The following NAALADL2 variants were observed in gnomAD, a reference collection of about 807,000 sequenced individuals.
The protein encoded by NAALADL2 is inactive N-acetylated-alpha-linked acidic dipeptidase-like protein 2.
A neutral mutation model predicts 87.2 loss-of-function variants in NAALADL2; 76 were observed. The ratio of observed to expected loss-of-function variants is 0.87; its 90% confidence interval spans 0.72 to 1.05. The LOEUF (loss-of-function observed/expected upper bound fraction) is 1.05. Among genes scored for constraint, NAALADL2 ranks in the 50% least tolerant of loss-of-function variants. NAALADL2 has a pLI of 0.00. For synonymous variants in NAALADL2, 354 were observed against 331.0 expected, an observed-to-expected ratio of 1.07 and a Z score of -0.75; for missense variants, 1,089 against 945.8, an observed-to-expected ratio of 1.15 and a Z score of -1.99.
intron 1 of NAALADL2, among the ~76,000 whole-genome samples, chr3:174,469,461 C>T (rs1046359000): frequency 6.6e-6 from 1 of 151,340 alleles, no homozygotes; most frequent in South Asian, 2.1e-4. Flanking sequence ...TGGAGTCTCG[C>T]TCTGTCTCCC....
At chr3:174,785,138 A>G (rs181465472) in intron 3 of NAALADL2, among the ~76,000 whole-genome samples, 1 of 152,320 alleles carries the variant, frequency 6.6e-6, no homozygotes, top group Admixed American at 6.5e-5. Context: ...TGTAGTCAGC[A>G]CAGTGTACAA....
intron 1 of NAALADL2, among the ~76,000 whole-genome samples, chr3:174,868,210 G>A (rs1462899242): frequency 1.3e-5 from 2 of 152,094 alleles, no homozygotes; most frequent in East Asian, 1.9e-4. Context: ...AATTGCATTT[G>A]TGATAACAGT....
chr3:175,774,420 A>C (rs1749935483), intron 13 of NAALADL2, among the ~76,000 whole-genome samples: 1 of 152,026 alleles, frequency 6.6e-6, no homozygotes, highest in African/African-American at 2.4e-5. Flanking sequence ...AGAAAAAGTT[A>C]AACAAAAATT....
intron 1 of NAALADL2, among the ~76,000 whole-genome samples, chr3:174,873,606 A>G (rs908824064): frequency 6.6e-5 from 10 of 151,996 alleles, no homozygotes; most frequent in Admixed American, 4.6e-4. Context: ...GTGGAATAAT[A>G]TGCCTTTGCC....
chr3:175,032,608 C>G (rs993730933), intron 1 of NAALADL2, among the ~76,000 whole-genome samples: 1 of 152,002 alleles, frequency 6.6e-6, no homozygotes, highest in Admixed American at 6.6e-5. Flanking sequence ...GTGCCTTTGC[C>G]TTTACCTGGC....
At chr3:174,626,429 C>T (rs1721583449) in intron 2 of NAALADL2, among the ~76,000 whole-genome samples, 1 of 151,910 alleles carries the variant, frequency 6.6e-6, no homozygotes, top group African/African-American at 2.4e-5. Flanking sequence ...TTTTTGATGA[C>T]TTACCTATTT....
intron 1 of NAALADL2, among the ~76,000 whole-genome samples, chr3:174,904,144 A>G (rs1462775973): frequency 9.2e-5 from 14 of 151,748 alleles, no homozygotes; most frequent in Admixed American, 7.9e-4. Flanking sequence ...GAGTAATGCA[A>G]CATATACAAT....
At chr3:175,516,401 A>G (rs938669292) in intron 9 of NAALADL2, among the ~76,000 whole-genome samples, 1 of 152,172 alleles carries the variant, frequency 6.6e-6, no homozygotes, top group African/African-American at 2.4e-5. Context: ...AAGTGTATTG[A>G]TATGTGTGAG....
intron 1 of NAALADL2, among the ~76,000 whole-genome samples, chr3:174,963,034 C>T (rs1214262979): frequency 6.6e-6 from 1 of 152,036 alleles, no homozygotes; most frequent in African/African-American, 2.4e-5. Context: ...GGCCTTGTTA[C>T]TTTTTATTTT....
intron 1 of NAALADL2, among the ~76,000 whole-genome samples, chr3:174,988,262 C>T (rs1746246074): frequency 6.6e-6 from 1 of 152,134 alleles, no homozygotes; most frequent in African/African-American, 2.4e-5. Context: ...AAGTAACTAA[C>T]ATCCAGTTAA....
At chr3:174,576,381 A>C (rs1715531200) in intron 2 of NAALADL2, among the ~76,000 whole-genome samples, 1 of 152,164 alleles carries the variant, frequency 6.6e-6, no homozygotes, top group Admixed American at 6.5e-5. Flanking sequence ...AATCACTATG[A>C]GGGGACTATA....
intron 2 of NAALADL2, among the ~76,000 whole-genome samples, chr3:175,169,347 G>A (rs1030022617): frequency 3.3e-5 from 5 of 151,228 alleles, no homozygotes; most frequent in Admixed American, 6.6e-5. Flanking sequence ...TTAAGTTCTC[G>A]TTCTGCTACT....
chr3:175,168,974 G>C (rs753753393), intron 2 of NAALADL2, among the ~76,000 whole-genome samples: 1 of 151,590 alleles, frequency 6.6e-6, no homozygotes, highest in Non-Finnish European at 1.5e-5. Context: ...GAGCAAAACA[G>C]GATAGCTGTA....
At chr3:174,707,565 A>C (rs1024077574) in intron 2 of NAALADL2, among the ~76,000 whole-genome samples, 5 of 148,082 alleles carry the variant, frequency 3.4e-5, no homozygotes, top group African/African-American at 1.2e-4. Context: ...CAAACACCGC[A>C]TGTTCTCACT....
intron 3 of NAALADL2, among the ~76,000 whole-genome samples, chr3:174,786,956 C>CA (rs963224185): frequency 1.3e-5 from 2 of 150,678 alleles, no homozygotes; most frequent in African/African-American, 4.9e-5. Flanking sequence ...ACATGATGTA[C>CA]AAAAAAAATT....
chr3:175,482,329 A>G (rs1304907483), intron 9 of NAALADL2, among the ~76,000 whole-genome samples: 2 of 151,936 alleles, frequency 1.3e-5, no homozygotes, highest in East Asian at 1.9e-4. Flanking sequence ...GTGTATCTCA[A>G]AAGATAAAAC....
At chr3:175,592,710 G>A (rs569819197) in intron 10 of NAALADL2, among the ~76,000 whole-genome samples, 6,183 of 142,520 alleles carry the variant, frequency 0.043, 454 homozygotes, top group African/African-American at 0.15. Context: ...GGACACAGGA[G>A]GGGGAACATC....
At chr3:175,395,125 G>A (rs1025122268) in intron 5 of NAALADL2, among the ~76,000 whole-genome samples, 1 of 152,054 alleles carries the variant, frequency 6.6e-6, no homozygotes, top group Non-Finnish European at 1.5e-5. Flanking sequence ...TGGCTACTAA[G>A]TGACTAATGG....
Position 175,597,684 on chromosome 3 carries a change from C to A in NAALADL2, c.1800+21497C>A, listed in dbSNP as rs140801166. ...TAGTAACATCACTTGCCTCTGCCTACTAAATGCCACTATAGTTACCATTCT... is the reference window on the plus strand; with the variant it reads ...TAGTAACATCACTTGCCTCTGCCTAATAAATGCCACTATAGTTACCATTCT... On this transcript the variant is annotated intron_variant, in intron 10 of 13. Transcript: ENST00000454872. Among the ~76,000 whole-genome samples the A allele has an allele frequency of 4.2e-3, 643 of 152,070 alleles. 8 individuals carry two copies. Among genetic ancestry groups the A allele is most frequent in the Middle Eastern group, 0.017 (5 of 294 alleles).
Sources: allele counts gnomAD v4.1 joint callset (sites outside exome capture counted in the v4.1 genomes callset), GRCh38; gene constraint gnomAD v4.1.1; transcripts MANE v1.5; gene names NCBI Gene and HGNC (gene_info 2026-07-23, HGNC 2026-07-21).